Variants in CREB5 observed in about 807,000 individuals in gnomAD.
CREB5 encodes cAMP responsive element binding protein 5.
CREB5 carries 19 observed loss-of-function variants against 57.1 expected under a neutral mutation model. The observed-to-expected ratio is 0.33, with a 90% CI of 0.23 to 0.49. The LOEUF (loss-of-function observed/expected upper bound fraction) is 0.49. Ranked by LOEUF, CREB5 falls within the 20% of genes least tolerant of loss-of-function variation. The probability of loss-of-function intolerance (pLI) is 0.99; values close to 1 mark genes in which losing one functional copy is unlikely to be tolerated. For synonymous variants in CREB5, 238 were observed against 238.3 expected, an observed-to-expected ratio of 1.00 and a Z score of 0.01; for missense variants, 579 against 671.6, an observed-to-expected ratio of 0.86 and a Z score of 1.52.
chr7:28,400,183 G>A (rs1161288846), intron 1 of CREB5, among the ~76,000 whole-genome samples: 2 of 152,208 alleles, frequency 1.3e-5, no homozygotes, highest in African/African-American at 2.4e-5. Flanking sequence ...AGCAGAGCAT[G>A]ATGGACAATG....
At chr7:28,319,623 C>T (rs1251919551) in intron 1 of CREB5, among the ~76,000 whole-genome samples, 3 of 152,138 alleles carry the variant, frequency 2.0e-5, no homozygotes, top group Non-Finnish European at 4.4e-5. Context: ...CTCCGCTCTA[C>T]CCATGCTCAC....
In CREB5 at chr7:28,570,866, A is replaced by G. The variant is rs113828364; in HGVS notation, c.464+329A>G. On this transcript the variant is annotated intron_variant, in intron 5 of 10. Transcript: ENST00000357727. ...CCAGAGTATAGTGCGCAGAACAAAC[A>G]TGGTGGAGGGAAGTTCTACCAGCTC... is the stretch of plus-strand genomic sequence containing the variant. 7.0e-3 allele frequency among the ~76,000 whole-genome samples: 1,061 copies of G among 152,192 alleles called. 12 individuals carry two copies. Among genetic ancestry groups the G allele is most frequent in the African/African-American group, 0.025 (1,023 of 41,520 alleles).
intron 5 of CREB5, among the ~76,000 whole-genome samples, chr7:28,573,882 C>T (rs1389633143): frequency 1.3e-5 from 2 of 152,200 alleles, no homozygotes; most frequent in Admixed American, 6.5e-5. Flanking sequence ...AGTAGACAAA[C>T]AACACGTGCA....
chr7:28,373,030 G>A (rs907818649), intron 1 of CREB5, among the ~76,000 whole-genome samples: 35 of 152,160 alleles, frequency 2.3e-4, no homozygotes, highest in Admixed American at 2.0e-3. Context: ...AGTAGTCACA[G>A]GAAAGTCAGT....
At chr7:28,505,031 A>G (rs904058702) in intron 3 of CREB5, among the ~76,000 whole-genome samples, 1 of 152,194 alleles carries the variant, frequency 6.6e-6, no homozygotes, top group Non-Finnish European at 1.5e-5. Context: ...ACTTGGCCTT[A>G]TGAATTAGGA....
chr7:28,778,285 G>A (rs141492919), intron 7 of CREB5, among the ~76,000 whole-genome samples: 1 of 152,312 alleles, frequency 6.6e-6, no homozygotes, highest in African/African-American at 2.4e-5. Context: ...GCCTACCAGT[G>A]ACAAGGCATT....
chr7:28,346,315 A>T (rs1786057083), intron 1 of CREB5, among the ~76,000 whole-genome samples: 1 of 152,208 alleles, frequency 6.6e-6, no homozygotes, highest in Admixed American at 6.5e-5. Flanking sequence ...GTGTCTGCTG[A>T]GGGCCTGTTC....
At chr7:28,672,408 G>A (rs1280516711) in intron 5 of CREB5, among the ~76,000 whole-genome samples, 1 of 151,832 alleles carries the variant, frequency 6.6e-6, no homozygotes, top group Non-Finnish European at 1.5e-5. Flanking sequence ...CTTTTTATCT[G>A]CTTCTAAGAA....
chr7:28,470,911 T>G (rs926801330), intron 1 of CREB5, among the ~76,000 whole-genome samples: 1 of 152,212 alleles, frequency 6.6e-6, no homozygotes, highest in Admixed American at 6.5e-5. Flanking sequence ...TTTTGCCCAA[T>G]TTTTTAATTG....
intron 5 of CREB5, among the ~76,000 whole-genome samples, chr7:28,707,451 C>G (rs1802174552): frequency 6.6e-6 from 1 of 152,170 alleles, no homozygotes; most frequent in Non-Finnish European, 1.5e-5. Flanking sequence ...GTGGCAGAGC[C>G]AGGAGGCGGC....
At chr7:28,791,867 C>T (rs1159497814) in intron 7 of CREB5, among the ~76,000 whole-genome samples, 2 of 152,180 alleles carry the variant, frequency 1.3e-5, no homozygotes, top group South Asian at 2.1e-4. Context: ...CCACACTTTC[C>T]TCCCACCACC....
At chr7:28,436,119 A>ATT (rs5883133) in intron 1 of CREB5, among the ~76,000 whole-genome samples, 78 of 151,254 alleles carry the variant, frequency 5.2e-4, no homozygotes, top group Middle Eastern at 3.4e-3. Context: ...CACAAAGTGA[A>ATT]TTTTTTTTTG....
chr7:28,731,162 C>T (rs996911661), intron 7 of CREB5, among the ~76,000 whole-genome samples: 4 of 152,176 alleles, frequency 2.6e-5, no homozygotes, highest in Admixed American at 6.5e-5. Flanking sequence ...ACAGAAACCC[C>T]ATCTCCTTTC....
intron 7 of CREB5, among the ~76,000 whole-genome samples, chr7:28,757,257 C>T (rs1805376809): frequency 6.6e-6 from 1 of 152,204 alleles, no homozygotes; most frequent in South Asian, 2.1e-4. Flanking sequence ...CCCAAAGTCA[C>T]ACAGTTAGTA....
chr7:28,581,090 C>T (rs1021319528), intron 5 of CREB5, among the ~76,000 whole-genome samples: 4 of 152,070 alleles, frequency 2.6e-5, no homozygotes, highest in African/African-American at 7.2e-5. Flanking sequence ...AGGCTAGGTT[C>T]GAAACAGTCT....
intron 1 of CREB5, among the ~76,000 whole-genome samples, chr7:28,313,985 A>G (rs953814021): frequency 6.6e-6 from 1 of 152,228 alleles, no homozygotes; most frequent in Non-Finnish European, 1.5e-5. Context: ...AATATTGGCC[A>G]TGCCAAAGCA....
intron 5 of CREB5, among the ~76,000 whole-genome samples, chr7:28,693,521 TAA>T (rs36048926): frequency 3.6e-5 from 5 of 138,434 alleles, no homozygotes; most frequent in African/African-American, 5.5e-5. Flanking sequence ...TATCACTGCT[TAA>T]AAAAAAAAAA....
intron 5 of CREB5, among the ~76,000 whole-genome samples, chr7:28,580,457 A>C (rs986536536): frequency 1.3e-5 from 2 of 150,182 alleles, no homozygotes; most frequent in African/African-American, 4.9e-5. Context: ...ACACACACAC[A>C]CACACAATAG....
At chr7:28,590,672 T>TATAATAATAATAATAATA (rs71555752) in intron 5 of CREB5, among the ~76,000 whole-genome samples, 6 of 142,972 alleles carry the variant, frequency 4.2e-5, no homozygotes, top group African/African-American at 1.5e-4. Context: ...GAACTTAAAG[T>TATAATAATAATAATAATA]ATAATAATAA....
Sources: gnomAD v4.1 joint callset for allele counts (sites outside exome capture counted in the v4.1 genomes callset) on GRCh38, gnomAD v4.1.1 for gene constraint, MANE v1.5 for transcripts, NCBI Gene and HGNC (gene_info 2026-07-23, HGNC 2026-07-21) for gene names.